The following WDFY4 variants were observed in gnomAD, a reference collection of about 807,000 sequenced individuals.
WDFY4 encodes WD repeat- and FYVE domain-containing protein 4.
WDFY4 carries 169 observed loss-of-function variants against 351.9 expected under a neutral mutation model. That is an observed-to-expected ratio of 0.48 (90% confidence interval 0.42 to 0.55). The LOEUF (loss-of-function observed/expected upper bound fraction) is 0.55. WDFY4 is among the 20% of genes least tolerant of loss of function. The pLI is 0.00. For missense variants in WDFY4, 3,803 were observed against 3,935.6 expected (o/e 0.97, Z 0.90); for synonymous variants, 1,622 against 1,574.6 (o/e 1.03, Z -0.71).
chr10:48,720,958 G>A (rs2064065702), intron 3 of WDFY4, among the ~76,000 whole-genome samples: 2 of 152,186 alleles, frequency 1.3e-5, no homozygotes, highest in African/African-American at 4.8e-5. Context: ...GGAAGTAGGG[G>A]GAGATTCTGG....
At chr10:48,828,678 A>G (rs1248833987) in intron 36 of WDFY4, 100 bp from the exon 37 acceptor site, 5 of 688,700 alleles carry the variant, frequency 7.3e-6, no homozygotes, top group Admixed American at 7.1e-5. Context: ...ATTGATATAG[A>G]TAATTATTGG....
intron 47 of WDFY4, chr10:48,913,676 G>A (rs35986885): frequency 0.13 from 205,110 of 1,613,230 alleles, 14,094 homozygotes; most frequent in Middle Eastern, 0.2. Context: ...AGATGCTCAC[G>A]GGGATGTTGT....
chr10:48,843,613 T>G (rs949077031), intron 39 of WDFY4, among the ~76,000 whole-genome samples: 10 of 152,206 alleles, frequency 6.6e-5, no homozygotes, highest in Non-Finnish European at 1.3e-4. Flanking sequence ...AAAACAGATT[T>G]GAAATTAATT....
intron 5 of WDFY4, among the ~76,000 whole-genome samples, chr10:48,724,986 G>A (rs1225603894): frequency 6.6e-6 from 1 of 152,176 alleles, no homozygotes; most frequent in African/African-American, 2.4e-5. Context: ...TGAGGGCATG[G>A]CATTTAACCA....
Position 48,777,404 on chromosome 10 carries a change from A to G in WDFY4, c.3099-15A>G. ...GCTTGCAGTCCAATGATCTGAGACA[A>G]TTTTCTATTTCCAGCTGTTTGTTTA... On this transcript the variant is annotated splice_polypyrimidine_tract_variant and intron_variant, in intron 16 of 61. Coordinates refer to ENST00000325239, the MANE Select transcript of WDFY4 (RefSeq NM_001394531.1). 1 of 1,550,692 alleles carries G rather than the reference A, an allele frequency of 6.4e-7. No homozygotes were observed. The highest frequency in any genetic ancestry group is 8.7e-7 in the Non-Finnish European group (1 of 1,146,220).
chr10:48,923,506 A>ATATATATATATATATATATATATATG, intron 47 of WDFY4, among the ~76,000 whole-genome samples: 1 of 115,168 alleles, frequency 8.7e-6, no homozygotes, highest in South Asian at 3.4e-4. Context: ...GTATATATAT[A>ATATATATATATATATATATATATATG]TATATATGTC....
chr10:48,874,354 T>G (rs2069910735), intron 41 of WDFY4, among the ~76,000 whole-genome samples: 7 of 152,222 alleles, frequency 4.6e-5, no homozygotes, highest in Admixed American at 4.6e-4. Context: ...AATCTGTTAA[T>G]AGTTTTTCAT....
intron 48 of WDFY4, 99 bp downstream of exon 48, chr10:48,941,947 G>A (rs1318163269): frequency 1.6e-5 from 18 of 1,145,530 alleles, no homozygotes; most frequent in Non-Finnish European, 2.3e-5. Flanking sequence ...CAACCAAGAA[G>A]GGATCTTATT....
intron 48 of WDFY4, 51 bp downstream of exon 48, chr10:48,941,899 T>C: frequency 6.5e-7 from 1 of 1,529,240 alleles, no homozygotes; most frequent in South Asian, 1.2e-5. Flanking sequence ...AACCAGAGAA[T>C]GGCTCAGGCC....
intron 2 of WDFY4, among the ~76,000 whole-genome samples, chr10:48,710,837 T>C (rs985093099): frequency 2.0e-5 from 3 of 152,234 alleles, no homozygotes; most frequent in Non-Finnish European, 2.9e-5. Context: ...TAGTGGCAGC[T>C]GGTGACAGCT....
chr10:48,833,385 T>C (rs953334768), intron 39 of WDFY4, among the ~76,000 whole-genome samples: 3 of 152,090 alleles, frequency 2.0e-5, no homozygotes, highest in East Asian at 1.9e-4. Flanking sequence ...ACACATGGCC[T>C]CCTCATGTGA....
rs925099781 is a variant in WDFY4 at position 48,823,933 on chromosome 10, A to G, written c.5982+1396A>G. On this transcript the variant is annotated intron_variant, in intron 35 of 61. Transcript: ENST00000325239. ...ACAGGTTTAAACAGACCTTCACTTC[A>G]TGAGTAGAAACATTGCGTTACCTGT... 4.1e-6 allele frequency: 4 copies of G among 985,454 alleles called. No homozygotes were observed. The African/African-American group carries it at 7.0e-5, about 17-fold the overall frequency. 61.0% of individuals were successfully genotyped at this position (985,454 alleles called of 1,614,324 possible).
intron 55 of WDFY4, chr10:48,967,388 G>A (rs963378390): frequency 1.1e-4 from 16 of 152,266 alleles, no homozygotes; most frequent in Admixed American, 7.2e-4. Context: ...GGAGCCATGT[G>A]ATTTAGGGAG....
intron 25 of WDFY4, among the ~76,000 whole-genome samples, 191 bp from the exon 26 acceptor site, chr10:48,805,069 C>CCGAG (rs1433711960): frequency 6.6e-6 from 1 of 152,040 alleles, no homozygotes; most frequent in African/African-American, 2.4e-5. Context: ...CAGTGCACAC[C>CCGAG]CGAGCGACTC....
In WDFY4 at chr10:48,704,200, A is replaced by G. The variant is rs143735892; in HGVS notation, c.-17-5516A>G. Among the ~76,000 whole-genome samples the G allele has an allele frequency of 2.3e-3, 345 of 152,122 alleles. 2 individuals carry two copies. The highest frequency in any genetic ancestry group is 7.9e-3 in the African/African-American group (328 of 41,490). ...TCACCGGGACCATGTGGATGAGGAG[A>G]AGCCGAGTCTCAGAGAGGGGAAGTG... On this transcript the variant is annotated intron_variant, in intron 1 of 61. Transcript: ENST00000325239.
At chr10:48,894,355 A>G (rs116764729) in intron 44 of WDFY4, among the ~76,000 whole-genome samples, 1 of 152,194 alleles carries the variant, frequency 6.6e-6, no homozygotes, top group Non-Finnish European at 1.5e-5. Flanking sequence ...GCTAGGGAGC[A>G]TTTCTGCCTC....
intron 57 of WDFY4, among the ~76,000 whole-genome samples, chr10:48,974,533 C>CAAAAAAAAAA (rs1174024738): frequency 1.1e-3 from 20 of 18,934 alleles, no homozygotes; most frequent in Non-Finnish European, 1.8e-3. Flanking sequence ...AAAAAAACAA[C>CAAAAAAAAAA]TCATGACATG....
chr10:48,907,995 T>G (rs1467780554), intron 47 of WDFY4, among the ~76,000 whole-genome samples: 1 of 152,206 alleles, frequency 6.6e-6, no homozygotes, highest in African/African-American at 2.4e-5. Context: ...ACATTTGGCT[T>G]TGTGGGCCAT....
chr10:48,780,190 G>A (rs2066173258), intron 19 of WDFY4, 71 bp downstream of exon 19: 3 of 1,502,456 alleles, frequency 2.0e-6, no homozygotes, highest in East Asian at 4.9e-5. Flanking sequence ...AGTGGCCTCG[G>A]TTTCATTCTA....
Sources: gnomAD v4.1 joint callset for allele counts (sites outside exome capture counted in the v4.1 genomes callset) on GRCh38, gnomAD v4.1.1 for gene constraint, MANE v1.5 for transcripts, NCBI Gene and HGNC (gene_info 2026-07-23, HGNC 2026-07-21) for gene names.